The following OXR1 variants were observed in gnomAD, a reference collection of about 807,000 sequenced individuals.
OXR1 encodes the protein oxidation resistance 1.
In OXR1, 41 loss-of-function variants were observed where a neutral mutation model predicts 104.6. The observed-to-expected ratio is 0.39, with a 90% CI of 0.31 to 0.51. OXR1 has a LOEUF of 0.51. Among genes scored for constraint, OXR1 ranks in the 20% least tolerant of loss-of-function variants. OXR1 has a pLI of 0.77. For missense variants in OXR1, 955 were observed against 1,031.9 expected (o/e 0.93, Z 1.02); for synonymous variants, 348 against 348.4 (o/e 1.00, Z 0.01).
intron 1 of OXR1, among the ~76,000 whole-genome samples, chr8:106,339,666 T>A (rs1563726258): frequency 1.3e-5 from 2 of 150,746 alleles, no homozygotes; most frequent in Non-Finnish European, 3.0e-5. Context: ...TAGCTGTACC[T>A]AAAACATGCC....
chr8:106,640,006 T>C (rs1000806575), intron 3 of OXR1, among the ~76,000 whole-genome samples: 3 of 152,192 alleles, frequency 2.0e-5, no homozygotes, highest in Non-Finnish European at 4.4e-5. Context: ...CATCTGCCAC[T>C]GCCAGGAATT....
intron 2 of OXR1, among the ~76,000 whole-genome samples, chr8:106,433,289 T>A (rs1819437817): frequency 6.6e-6 from 1 of 152,116 alleles, no homozygotes; most frequent in South Asian, 2.1e-4. Context: ...AGATTATCAA[T>A]CTGAGTGGTG....
chr8:106,457,334 GA>G (rs1397113218), intron 2 of OXR1, among the ~76,000 whole-genome samples: 5 of 152,162 alleles, frequency 3.3e-5, no homozygotes, highest in Non-Finnish European at 7.3e-5. Context: ...GATGCAGCAG[GA>G]AGGTCCTCAC....
At chr8:106,393,440 TA>T (rs1222211374) in intron 2 of OXR1, among the ~76,000 whole-genome samples, 1 of 152,166 alleles carries the variant, frequency 6.6e-6, no homozygotes, top group Non-Finnish European at 1.5e-5. Context: ...CTAATTTACA[TA>T]ATGAATAAAA....
chr8:106,490,072 T>G (rs2129844414), intron 2 of OXR1, among the ~76,000 whole-genome samples: 1 of 152,272 alleles, frequency 6.6e-6, no homozygotes, highest in Middle Eastern at 3.4e-3. Flanking sequence ...GTACTGTTAT[T>G]TCCAAGACAT....
intron 7 of OXR1, among the ~76,000 whole-genome samples, chr8:106,702,072 C>T (rs1209579789): frequency 6.6e-6 from 1 of 152,100 alleles, no homozygotes; most frequent in Non-Finnish European, 1.5e-5. Flanking sequence ...TGGGTTCAAG[C>T]GATTTGCATG....
intron 1 of OXR1, among the ~76,000 whole-genome samples, chr8:106,344,470 T>A (rs1815395133): frequency 6.6e-6 from 1 of 152,208 alleles, no homozygotes; most frequent in African/African-American, 2.4e-5. Context: ...CCTAAGTAGC[T>A]GGGACTACAG....
intron 3 of OXR1, among the ~76,000 whole-genome samples, chr8:106,528,080 T>C (rs1813824047): frequency 2.0e-5 from 3 of 152,154 alleles, no homozygotes; most frequent in Non-Finnish European, 4.4e-5. Flanking sequence ...ATTTTTTCTT[T>C]CTTTTTTCCT....
intron 2 of OXR1, among the ~76,000 whole-genome samples, chr8:106,389,229 G>A (rs546953970): frequency 2.7e-4 from 41 of 152,208 alleles, no homozygotes; most frequent in Non-Finnish European, 4.9e-4. Flanking sequence ...AGCAATGCCT[G>A]CTACATGCAA....
intron 1 of OXR1, among the ~76,000 whole-genome samples, chr8:106,316,294 A>C (rs568545466): frequency 6.6e-6 from 1 of 152,318 alleles, no homozygotes; most frequent in African/African-American, 2.4e-5. Flanking sequence ...AACCCAGGTT[A>C]ATAAAAATAG....
chr8:106,683,740 G>A (rs113143911), intron 5 of OXR1, among the ~76,000 whole-genome samples: 81 of 152,214 alleles, frequency 5.3e-4, no homozygotes, highest in African/African-American at 1.9e-3. Flanking sequence ...GGAAAGTGTT[G>A]TATTTAATCA....
chr8:106,674,727 G>A (rs763086507), intron 3 of OXR1, among the ~76,000 whole-genome samples: 1 of 152,070 alleles, frequency 6.6e-6, no homozygotes, highest in African/African-American at 2.4e-5. Flanking sequence ...TCATGGGGGT[G>A]GTTTCCCTAA....
At chr8:106,691,095 T>C (rs1829229117) in intron 6 of OXR1, among the ~76,000 whole-genome samples, 1 of 152,032 alleles carries the variant, frequency 6.6e-6, no homozygotes, top group Non-Finnish European at 1.5e-5. Flanking sequence ...TAACTCTAGG[T>C]GATTATTAAA....
Position 106,624,140 on chromosome 8 carries a change from G to A in OXR1, c.221-55070G>A, listed in dbSNP as rs146793784. Among the ~76,000 whole-genome samples the A allele has an allele frequency of 2.6e-3, 393 of 152,226 alleles. 1 individual carries two copies. Among genetic ancestry groups the A allele is most frequent in the African/African-American group, 8.9e-3 (368 of 41,542 alleles). On this transcript the variant is annotated intron_variant, in intron 3 of 16. Transcript: ENST00000517566. ...CCAATTATTTCCCTGATTTGACAAG[G>A]TCACTCTGAACTTACTTTCATTGAA...
rs565605636 is a variant in OXR1 at position 106,743,792 on chromosome 8, A to G, written c.2412+1475A>G. On this transcript the variant is annotated intron_variant, in intron 15 of 16. Transcript: ENST00000517566. ...GTAAGTCCTCCTAATATAAAGATAC[A>G]TGCACACAAATGTTCATTGTAGCAC... Among the ~76,000 whole-genome samples, 8 of 152,342 alleles carry G rather than the reference A, an allele frequency of 5.3e-5. No individual in the cohort carries two copies. The South Asian group carries it at 1.7e-3, about 32-fold the overall frequency.
chr8:106,487,342 T>A (rs1323837875), intron 2 of OXR1, among the ~76,000 whole-genome samples: 60 of 150,650 alleles, frequency 4.0e-4, no homozygotes, highest in African/African-American at 1.5e-3. Flanking sequence ...GGTATTTCTT[T>A]TTTTTTTTTT....
chr8:106,386,369 A>G (rs1012148546), intron 2 of OXR1, among the ~76,000 whole-genome samples: 3 of 152,202 alleles, frequency 2.0e-5, no homozygotes, highest in African/African-American at 7.2e-5. Context: ...TAGGGTAGAG[A>G]GGAGATCCTT....
intron 3 of OXR1, among the ~76,000 whole-genome samples, chr8:106,627,848 A>G (rs1586924013): frequency 6.6e-6 from 1 of 152,192 alleles, no homozygotes; most frequent in African/African-American, 2.4e-5. Flanking sequence ...TATAGGAATA[A>G]GTGGAGATTG....
intron 3 of OXR1, among the ~76,000 whole-genome samples, chr8:106,552,779 C>T (rs1815947375): frequency 6.6e-6 from 1 of 152,132 alleles, no homozygotes; most frequent in Non-Finnish European, 1.5e-5. Context: ...ATATGAAATT[C>T]ATTTGAAATG....
Sources: gnomAD v4.1 joint callset for allele counts (sites outside exome capture counted in the v4.1 genomes callset) on GRCh38, gnomAD v4.1.1 for gene constraint, MANE v1.5 for transcripts, NCBI Gene and HGNC (gene_info 2026-07-23, HGNC 2026-07-21) for gene names.